HPSE2: variants seen among roughly 807,000 people sequenced by gnomAD.
HPSE2 encodes the protein inactive heparanase-2.
In HPSE2, 38 loss-of-function variants were observed where a neutral mutation model predicts 60.5. The ratio of observed to expected loss-of-function variants is 0.63; its 90% CI spans 0.48 to 0.82. The LOEUF is 0.82. Among genes scored for constraint, HPSE2 ranks in the 40% least tolerant of loss-of-function variants. The pLI is 0.00. For missense variants in HPSE2, 713 were observed against 740.4 expected, an observed-to-expected ratio of 0.96 and a Z score of 0.43; for synonymous variants, 295 against 293.2, an observed-to-expected ratio of 1.01 and a Z score of -0.06.
chr10:98,692,943 A>T (rs934688709), intron 6 of HPSE2, among the ~76,000 whole-genome samples: 3 of 152,244 alleles, frequency 2.0e-5, no homozygotes, highest in Non-Finnish European at 4.4e-5. Context: ...CTTCAGAGGG[A>T]GAAGCAATCT....
intron 3 of HPSE2, among the ~76,000 whole-genome samples, chr10:98,889,369 T>C (rs554628598): frequency 2.6e-5 from 4 of 151,718 alleles, no homozygotes; most frequent in South Asian, 2.1e-4. Context: ...CTTTTCTTTT[T>C]TTTTTTTTTG....
the HPSE2 span, among the ~76,000 whole-genome samples, chr10:99,246,972 TCTCAAAAACAAAAATAATCATA>T: frequency 6.6e-6 from 1 of 151,894 alleles, no homozygotes; most frequent in Admixed American, 6.6e-5. Context: ...CACAATCTGT[TCTCAAAAACAAAAATAATCATA>T]CCCATAATCG....
the HPSE2 span, among the ~76,000 whole-genome samples, chr10:99,297,855 G>T: frequency 1.3e-5 from 2 of 152,048 alleles, no homozygotes; most frequent in Non-Finnish European, 2.9e-5. Flanking sequence ...AGATGCTTTG[G>T]GGTATTTGGT....
chr10:98,708,292 T>C (rs1466484586), intron 5 of HPSE2, among the ~76,000 whole-genome samples: 1 of 151,868 alleles, frequency 6.6e-6, no homozygotes, highest in Non-Finnish European at 1.5e-5. Flanking sequence ...CTGTCTCTAC[T>C]AAAAATACAA....
intron 3 of HPSE2, among the ~76,000 whole-genome samples, chr10:99,036,456 G>A (rs1407575579): frequency 6.6e-6 from 1 of 151,990 alleles, no homozygotes; most frequent in Non-Finnish European, 1.5e-5. Flanking sequence ...GGAACGATTT[G>A]AGAAACAAAA....
intron 9 of HPSE2, among the ~76,000 whole-genome samples, chr10:98,596,669 A>G (rs1335063058): frequency 6.6e-6 from 1 of 152,138 alleles, no homozygotes; most frequent in Non-Finnish European, 1.5e-5. Context: ...CTTTGAATGT[A>G]TCATCACACT....
Position 98,705,918 on chromosome 10 carries a change from G to A in HPSE2, c.957-11971C>T, listed in dbSNP as rs1948535678. On this transcript the variant is annotated intron_variant, in intron 5 of 11. Transcript: ENST00000370552. ...CTGCACTTGTATCCTGGAACTTAAA[G>A]TAAAATTCAAAACAAAAGAAATATT... is the stretch of plus-strand genomic sequence containing the variant. Among the ~76,000 whole-genome samples the A allele has an allele frequency of 2.0e-5, 3 of 152,206 alleles. No individual in the cohort carries two copies. In the South Asian group the frequency reaches 6.2e-4, roughly 32 times the overall value.
the HPSE2 span, among the ~76,000 whole-genome samples, chr10:99,294,653 G>A: frequency 6.6e-6 from 1 of 151,636 alleles, no homozygotes; most frequent in Admixed American, 6.6e-5. Context: ...GTACACTTTG[G>A]CCGGGCGTGA....
intron 6 of HPSE2, among the ~76,000 whole-genome samples, chr10:98,671,729 T>C (rs1221015791): frequency 6.6e-6 from 1 of 152,182 alleles, no homozygotes; most frequent in Non-Finnish European, 1.5e-5. Context: ...TGTTGAGATG[T>C]AGATTCATTA....
At chr10:99,125,316 C>T (rs968538001) in intron 3 of HPSE2, among the ~76,000 whole-genome samples, 19 of 152,182 alleles carry the variant, frequency 1.2e-4, no homozygotes, top group African/African-American at 3.1e-4. Context: ...ACTGTGTCTA[C>T]GATTGGTCCT....
At chr10:99,014,696 T>C (rs1957095989) in intron 3 of HPSE2, among the ~76,000 whole-genome samples, 1 of 152,194 alleles carries the variant, frequency 6.6e-6, no homozygotes, top group African/African-American at 2.4e-5. Context: ...GTTTCTCTAG[T>C]GATTGGTGAT....
intron 3 of HPSE2, among the ~76,000 whole-genome samples, chr10:99,063,923 T>A (rs562362913): frequency 6.6e-6 from 1 of 152,004 alleles, no homozygotes; most frequent in African/African-American, 2.4e-5. Flanking sequence ...TGAAACCCCA[T>A]CTCTACTAAA....
intron 3 of HPSE2, among the ~76,000 whole-genome samples, chr10:98,829,155 G>A (rs954543642): frequency 6.6e-6 from 1 of 152,092 alleles, no homozygotes; most frequent in African/African-American, 2.4e-5. Context: ...AGAGTTAGAA[G>A]AATGGTGGTT....
chr10:98,755,959 G>A (rs1949869247), intron 3 of HPSE2, among the ~76,000 whole-genome samples: 1 of 152,112 alleles, frequency 6.6e-6, no homozygotes, highest in Non-Finnish European at 1.5e-5. Context: ...TGGTGCCACT[G>A]CACCCCAGCC....
chr10:98,988,260 G>C (rs1348564776), intron 3 of HPSE2, among the ~76,000 whole-genome samples: 1 of 152,302 alleles, frequency 6.6e-6, no homozygotes, highest in Non-Finnish European at 1.5e-5. Context: ...CAAGGCTACA[G>C]TAACCAAAAC....
chr10:98,721,740 C>G lies in HPSE2; in HGVS notation c.873G>C (p.Gln291His), dbSNP rs1948929819. Residue 291 changes from glutamine (Q) to histidine (H), a missense_variant, in exon 5 of 12, where the codon CAG becomes CAC. By Grantham distance (24) the Gln-to-His change is conservative. Transcript: ENST00000370552. ...KDYIQLKSLLQPIRIYSRASL... is the reference protein window; with the variant it reads ...KDYIQLKSLLHPIRIYSRASL... ...TGGCTCTGGAATAAATCCGGATGGG[C>G]TGCAACAGGCTCTTCAGCTGGATGT... The G allele has an allele frequency of 1.9e-6, 3 of 1,613,704 alleles. No individual in the cohort carries two copies. The highest frequency in any genetic ancestry group is 2.5e-6 in the Non-Finnish European group (3 of 1,179,868).
chr10:99,098,632 A>C (rs979774319), intron 3 of HPSE2, among the ~76,000 whole-genome samples: 1 of 152,214 alleles, frequency 6.6e-6, no homozygotes, highest in East Asian at 1.9e-4. Context: ...GGTATGTAGA[A>C]AACGTTGGTT....
At chr10:98,936,030 T>G (rs1384879394) in intron 3 of HPSE2, among the ~76,000 whole-genome samples, 1 of 144,488 alleles carries the variant, frequency 6.9e-6, no homozygotes, top group Non-Finnish European at 1.5e-5. Context: ...AGAAGTAGTC[T>G]GGCCACAGCC....
intron 3 of HPSE2, among the ~76,000 whole-genome samples, chr10:99,043,017 A>T (rs1957774924): frequency 6.6e-6 from 1 of 152,160 alleles, no homozygotes; most frequent in South Asian, 2.1e-4. Flanking sequence ...CAGAGCCTTG[A>T]CCCACTAAAA....
Sources: allele counts gnomAD v4.1 joint callset (sites outside exome capture counted in the v4.1 genomes callset), GRCh38; gene constraint gnomAD v4.1.1; transcripts MANE v1.5; gene names NCBI Gene and HGNC (gene_info 2026-07-23, HGNC 2026-07-21).